The following AJAP1 variants were observed in gnomAD, a reference collection of about 807,000 sequenced individuals.
The protein encoded by AJAP1 is adherens junctions associated protein 1, also known as adherens junction-associated protein 1.
A neutral mutation model predicts 35.0 loss-of-function variants in AJAP1; 5 were observed. The ratio of observed to expected loss-of-function variants is 0.14; its 90% CI spans 0.07 to 0.30. The LOEUF (loss-of-function observed/expected upper bound fraction) is 0.30, where lower values mean the gene tolerates loss of function less well. Among genes scored for constraint, AJAP1 ranks in the 10% least tolerant of loss-of-function variants. The probability of loss-of-function intolerance (pLI) is 1.00; values close to 1 mark genes in which losing one functional copy is unlikely to be tolerated. For missense variants in AJAP1, 586 were observed against 571.0 expected, an observed-to-expected ratio of 1.03 and a Z score of -0.27; for synonymous variants, 284 against 249.3, an observed-to-expected ratio of 1.14 and a Z score of -1.31.
intron 2 of AJAP1, among the ~76,000 whole-genome samples, chr1:4,757,393 G>T (rs1188277187): frequency 6.6e-6 from 1 of 152,198 alleles, no homozygotes; most frequent in Non-Finnish European, 1.5e-5. Context: ...TGTGGCCCAT[G>T]GGTCTCTCAG....
chr1:4,667,988 G>A (rs886857122), intron 1 of AJAP1, among the ~76,000 whole-genome samples: 12 of 152,180 alleles, frequency 7.9e-5, no homozygotes, highest in African/African-American at 2.2e-4. Context: ...GTAGAGGCGG[G>A]AGGAAAACTT....
chr1:4,769,882 A>G lies in AJAP1; in HGVS notation c.859A>G (p.Thr287Ala), dbSNP rs1641796279. 6.2e-7 allele frequency: 1 copy of G among 1,613,750 alleles called. No individual in the cohort carries two copies. Among genetic ancestry groups the G allele is most frequent in the Admixed American group, 1.7e-5 (1 of 59,986 alleles). Residue 287 changes from threonine (T) to alanine (A), a missense_variant, in exon 3 of 6, where the codon ACC becomes GCC. Physicochemically the swap from Thr to Ala is moderately conservative, Grantham distance 58. Transcript: ENST00000378191. ...GGCTGTCCATCAGATCATCACCATC[A>G]CCGTCTCCCTCATCATGGTCATAGC... Reference protein sequence around the residue: ...GLAVHQIITITVSLIMVIAAL... With the variant: ...GLAVHQIITIAVSLIMVIAAL...
chr1:4,673,772 G>A (rs1639297466), intron 1 of AJAP1, among the ~76,000 whole-genome samples: 1 of 152,118 alleles, frequency 6.6e-6, no homozygotes, highest in Non-Finnish European at 1.5e-5. Flanking sequence ...ATGAATAAAT[G>A]AATTCATTCT....
chr1:4,783,555 G>GTA lies in AJAP1; in HGVS notation c.*1078_*1079dup, dbSNP rs1162206179. On this transcript the variant is annotated 3_prime_UTR_variant, in exon 6 of 6. Coordinates refer to ENST00000378191, the MANE Select transcript of AJAP1 (RefSeq NM_018836.4). ...TATATATATATATATGTTTGTGTGT[G>GTA]TATATATATGTTTGTGTATATATAT... 1.3e-4 allele frequency: 18 copies of GTA among 141,256 alleles called. No homozygotes were observed. The highest frequency in any genetic ancestry group is 4.4e-4 in the African/African-American group (17 of 38,246). 8.8% of individuals were successfully genotyped at this position (141,256 alleles called of 1,614,324 possible).
Position 4,679,808 on chromosome 1 carries a change from GGTGTGTGT to G in AJAP1, c.29+24391_29+24398del, listed in dbSNP as rs60846836. On this transcript the variant is annotated intron_variant, in intron 1 of 5. Coordinates refer to ENST00000378191, the MANE Select transcript of AJAP1 (RefSeq NM_018836.4). Reference sequence around the variant, plus strand: ...TTCTGCTTAGAAACAGAACCAATAGGGTGTGTGTGTGTGTGTGTGTGTGTGTGTGTGTG... The same window carrying G: ...TTCTGCTTAGAAACAGAACCAATAGGGTGTGTGTGTGTGTGTGTGTGTGTG... Among the ~76,000 whole-genome samples, 1,411 of 142,416 alleles carry G rather than the reference GGTGTGTGT, an allele frequency of 9.9e-3. 22 individuals are homozygous for G. The highest frequency in any genetic ancestry group is 0.031 in the African/African-American group (1,167 of 37,908). 93.4% of individuals were successfully genotyped at this position (142,416 alleles called of 152,430 possible).
chr1:4,719,870 G>A (rs1411013506), intron 2 of AJAP1, among the ~76,000 whole-genome samples: 1 of 152,188 alleles, frequency 6.6e-6, no homozygotes, highest in African/African-American at 2.4e-5. Flanking sequence ...TGTCCTTGGG[G>A]ACCCAGCAGT....
intron 2 of AJAP1, among the ~76,000 whole-genome samples, chr1:4,764,770 C>T (rs543427020): frequency 6.6e-6 from 1 of 152,292 alleles, no homozygotes; most frequent in South Asian, 2.1e-4. Flanking sequence ...CCATCACTCC[C>T]GCCATCATCC....
intron 5 of AJAP1, chr1:4,777,746 A>G (rs1431757914): frequency 1.3e-5 from 2 of 152,262 alleles, no homozygotes; most frequent in Admixed American, 6.5e-5. Context: ...ATCATGCACT[A>G]TTATTATTTT....
intron 1 of AJAP1, among the ~76,000 whole-genome samples, chr1:4,696,237 T>A (rs1187050292): frequency 6.6e-6 from 1 of 152,144 alleles, no homozygotes; most frequent in Non-Finnish European, 1.5e-5. Flanking sequence ...GAAACTGTTT[T>A]TTCCCCCTTC....
At chr1:4,750,054 A>G (rs1265230666) in intron 2 of AJAP1, among the ~76,000 whole-genome samples, 3 of 149,546 alleles carry the variant, frequency 2.0e-5, no homozygotes, top group African/African-American at 7.4e-5. Context: ...GTGTGTTTGT[A>G]TCTATATATG....
chr1:4,728,309 G>A (rs1640716629), intron 2 of AJAP1, among the ~76,000 whole-genome samples: 1 of 151,760 alleles, frequency 6.6e-6, no homozygotes, highest in African/African-American at 2.4e-5. Context: ...CTGAGCACGG[G>A]GCCCTTCCGA....
At chr1:4,657,711 AGGGGGT>A (rs1173406886) in intron 1 of AJAP1, among the ~76,000 whole-genome samples, 1 of 1,612 alleles carries the variant, frequency 6.2e-4, no homozygotes, top group Non-Finnish European at 1.5e-3. Flanking sequence ...CTTGCTGGGC[AGGGGGT>A]GGGGGTGGGG....
In AJAP1 at chr1:4,692,086, G is replaced by A. The variant is rs1639752152; in HGVS notation, c.30-19814G>A. On this transcript the variant is annotated intron_variant, in intron 1 of 5. Transcript: ENST00000378191. The surrounding 1 kb of genome is among the most constrained non-coding windows in gnomAD (Gnocchi z 4.4). ...CCCTGTGCTCCTTCCGGGAATGGCA[G>A]GTGGCATGGCGCCCGGCCGGCCCTG... 6.6e-6 allele frequency among the ~76,000 whole-genome samples: 1 copy of A among 152,130 alleles called. No homozygotes were observed. Among genetic ancestry groups the A allele is most frequent in the South Asian group, 2.1e-4 (1 of 4,820 alleles).
Position 4,723,877 on chromosome 1 carries a change from G to A in AJAP1, c.829+11178G>A, listed in dbSNP as rs1475655956. Among the ~76,000 whole-genome samples, 1 of 152,164 alleles carries A rather than the reference G, an allele frequency of 6.6e-6. No individual in the cohort carries two copies. Among genetic ancestry groups the A allele is most frequent in the Non-Finnish European group, 1.5e-5 (1 of 68,024 alleles). On this transcript the variant is annotated intron_variant, in intron 2 of 5. Coordinates refer to ENST00000378191, the MANE Select transcript of AJAP1 (RefSeq NM_018836.4). This position sits in a 1 kb window ranked among gnomAD's most constrained non-coding sequence, Gnocchi z 4.3. Reference sequence around the variant, plus strand: ...GAATGGAAATGGACAATGTGGCAGGGACGGAGGAACGGGGACAATACAGAA... The same window carrying A: ...GAATGGAAATGGACAATGTGGCAGGAACGGAGGAACGGGGACAATACAGAA...
chr1:4,713,481 A>G (rs991537935), intron 2 of AJAP1, among the ~76,000 whole-genome samples: 22 of 152,098 alleles, frequency 1.4e-4, no homozygotes, highest in Non-Finnish European at 8.8e-5. Context: ...TTTTCCTCCT[A>G]TACGCTGTCC....
chr1:4,774,348 A>G, intron 4 of AJAP1, 79 bp from the exon 5 acceptor site: 1 of 1,381,132 alleles, frequency 7.2e-7, no homozygotes, highest in Non-Finnish European at 1.0e-6. Flanking sequence ...AGTCCCCACC[A>G]CAGGCCTGCC....
chr1:4,724,736 G>A (rs1640609879), intron 2 of AJAP1, among the ~76,000 whole-genome samples: 1 of 152,184 alleles, frequency 6.6e-6, no homozygotes, highest in Non-Finnish European at 1.5e-5. Context: ...CATAGCCATT[G>A]TCTGAACAGT....
chr1:4,758,895 G>A (rs911254158), intron 2 of AJAP1, among the ~76,000 whole-genome samples: 2 of 152,224 alleles, frequency 1.3e-5, no homozygotes, highest in Non-Finnish European at 2.9e-5. Flanking sequence ...TCCCAGGACA[G>A]AGCGGATCAC....
Position 4,772,168 on chromosome 1 carries a change from A to G in AJAP1, c.918-112A>G, listed in dbSNP as rs1031614868. On this transcript the variant is annotated intron_variant, in intron 3 of 5. Coordinates refer to ENST00000378191, the MANE Select transcript of AJAP1 (RefSeq NM_018836.4). ...GCTGGGAATTACCGTTTAATATGAA[A>G]TGATGCGTAGCTCACGCCTGCAAGC... 5 of 1,361,466 alleles carry G rather than the reference A, an allele frequency of 3.7e-6. No homozygotes were observed. The African/African-American group carries it at 5.8e-5, about 16-fold the overall frequency. The allele number at this position is 1,361,466 out of a possible 1,614,324, so 84.3% of individuals were successfully genotyped here.
Sources: gnomAD v4.1 joint callset for allele counts (sites outside exome capture counted in the v4.1 genomes callset) on GRCh38, gnomAD v4.1.1 for gene constraint, Gnocchi (gnomAD v3.1) non-coding constraint, MANE v1.5 for transcripts, NCBI Gene and HGNC (gene_info 2026-07-23, HGNC 2026-07-21) for gene names.